The following PTPRD variants were observed in gnomAD, a reference collection of about 807,000 sequenced individuals.
PTPRD encodes protein tyrosine phosphatase receptor type D.
PTPRD carries 34 observed loss-of-function variants against 214.5 expected under a neutral mutation model. The observed-to-expected ratio is 0.16, with a 90% CI of 0.12 to 0.21. PTPRD has a LOEUF of 0.21. Among genes scored for constraint, PTPRD ranks in the 10% least tolerant of loss-of-function variants. The probability of loss-of-function intolerance (pLI) is 1.00; values close to 1 mark genes in which losing one functional copy is unlikely to be tolerated. For missense variants in PTPRD, 2,545 were observed against 2,398.7 expected (o/e 1.06, Z -1.27); for synonymous variants, 1,128 against 845.7 (o/e 1.33, Z -5.79).
intron 5 of PTPRD, among the ~76,000 whole-genome samples, chr9:9,799,197 G>A (rs1386770175): frequency 1.3e-5 from 2 of 152,140 alleles, no homozygotes; most frequent in Non-Finnish European, 2.9e-5. Flanking sequence ...TTGTAGTCAG[G>A]TTGAAGAGCA....
At chr9:10,569,478 T>G (rs556285911) in intron 2 of PTPRD, among the ~76,000 whole-genome samples, 1 of 152,014 alleles carries the variant, frequency 6.6e-6, no homozygotes, top group East Asian at 1.9e-4. Context: ...TTACTAAAAT[T>G]CATCCTGTAT....
At chr9:8,536,381 T>G (rs924120196) in intron 14 of PTPRD, among the ~76,000 whole-genome samples, 73 of 151,904 alleles carry the variant, frequency 4.8e-4, no homozygotes, top group Admixed American at 2.5e-3. Context: ...GATCTACATT[T>G]TAAAAATCCA....
intron 8 of PTPRD, among the ~76,000 whole-genome samples, chr9:9,504,745 C>T (rs1332201): frequency 0.74 from 111,575 of 151,464 alleles, 42,230 homozygotes; most frequent in African/African-American, 0.91. Context: ...ATAATGTATA[C>T]AGAAAACCCT....
intron 7 of PTPRD, among the ~76,000 whole-genome samples, chr9:9,576,076 T>G (rs888605949): frequency 6.6e-6 from 1 of 152,194 alleles, no homozygotes; most frequent in Admixed American, 6.6e-5. Context: ...AAAGTTATAA[T>G]AGATTGAGTC....
At chr9:8,446,438 G>C (rs2095729155) in intron 34 of PTPRD, among the ~76,000 whole-genome samples, 1 of 152,166 alleles carries the variant, frequency 6.6e-6, no homozygotes, top group Non-Finnish European at 1.5e-5. Flanking sequence ...CCTTCTGAAA[G>C]GCCTACTGAA....
intron 5 of PTPRD, among the ~76,000 whole-genome samples, chr9:9,774,103 G>A (rs186128640): frequency 6.6e-6 from 1 of 152,274 alleles, no homozygotes; most frequent in East Asian, 1.9e-4. Flanking sequence ...TGCTCAAAAT[G>A]AGTTATACTG....
At chr9:10,256,395 CTT>C (rs35833315) in intron 3 of PTPRD, among the ~76,000 whole-genome samples, 2 of 144,642 alleles carry the variant, frequency 1.4e-5, no homozygotes, top group African/African-American at 5.1e-5. Context: ...TGAATTACAG[CTT>C]TTTTTTTTTT....
chr9:9,015,993 G>T (rs184741305), intron 11 of PTPRD, among the ~76,000 whole-genome samples: 1 of 152,054 alleles, frequency 6.6e-6, no homozygotes, highest in African/African-American at 2.4e-5. Context: ...GAAGAATTGG[G>T]CCTTAAAGCA....
At chr9:9,228,948 T>C (rs1033644089) in intron 9 of PTPRD, among the ~76,000 whole-genome samples, 1 of 152,138 alleles carries the variant, frequency 6.6e-6, no homozygotes, top group Non-Finnish European at 1.5e-5. Flanking sequence ...ACAAATGTTT[T>C]TACAGGGAGA....
chr9:8,984,990 G>T (rs940579197), intron 11 of PTPRD, among the ~76,000 whole-genome samples: 1 of 151,980 alleles, frequency 6.6e-6, no homozygotes, highest in Non-Finnish European at 1.5e-5. Context: ...TCAAGTTGGA[G>T]GAAAATTTAC....
intron 2 of PTPRD, among the ~76,000 whole-genome samples, chr9:10,450,655 T>C (rs1055983603): frequency 1.3e-5 from 2 of 152,000 alleles, no homozygotes; most frequent in African/African-American, 4.8e-5. Flanking sequence ...TTTTACTGTC[T>C]TGTTGTTTGG....
At chr9:10,066,168 A>G (rs529170330) in intron 3 of PTPRD, among the ~76,000 whole-genome samples, 2 of 151,908 alleles carry the variant, frequency 1.3e-5, no homozygotes, top group African/African-American at 2.4e-5. Flanking sequence ...TAAGGCAACA[A>G]TTTTGGCACA....
chr9:9,621,510 T>G (rs1011838835), intron 7 of PTPRD, among the ~76,000 whole-genome samples: 4 of 152,198 alleles, frequency 2.6e-5, no homozygotes, highest in Admixed American at 1.3e-4. Flanking sequence ...CAAAACAACT[T>G]TAAGCGATGA....
chr9:8,872,424 A>T (rs1277267884), intron 11 of PTPRD, among the ~76,000 whole-genome samples: 1 of 152,198 alleles, frequency 6.6e-6, no homozygotes, highest in African/African-American at 2.4e-5. Context: ...TTTTTTTGTT[A>T]ACAATGTTGT....
intron 4 of PTPRD, among the ~76,000 whole-genome samples, chr9:9,972,928 C>G (rs763995499): frequency 6.6e-6 from 1 of 152,122 alleles, no homozygotes; most frequent in East Asian, 1.9e-4. Context: ...TGCAGAGCCC[C>G]TTTTGCCTTT....
chr9:9,422,689 G>T (rs1382976796), intron 8 of PTPRD, among the ~76,000 whole-genome samples: 1 of 152,066 alleles, frequency 6.6e-6, no homozygotes, highest in Non-Finnish European at 1.5e-5. Flanking sequence ...AAATAGCTAG[G>T]GAGACAAAAA....
chr9:9,341,296 G>T (rs1308986246), intron 9 of PTPRD, among the ~76,000 whole-genome samples: 1 of 152,060 alleles, frequency 6.6e-6, no homozygotes, highest in Non-Finnish European at 1.5e-5. Flanking sequence ...TGAGATGAAT[G>T]TTACTTTAGG....
intron 2 of PTPRD, among the ~76,000 whole-genome samples, chr9:10,371,818 T>C (rs963033794): frequency 2.6e-5 from 4 of 152,118 alleles, no homozygotes; most frequent in Non-Finnish European, 5.9e-5. Context: ...TTTGGGAGCA[T>C]ATGGTGTATG....
chr9:9,811,557 A>T (rs2821482), intron 5 of PTPRD, among the ~76,000 whole-genome samples: 27,591 of 151,928 alleles, frequency 0.18, 3,002 homozygotes, highest in African/African-American at 0.3. Flanking sequence ...AATATAAAAA[A>T]TTAGCCAGGT....
Sources: gnomAD v4.1 joint callset for allele counts (sites outside exome capture counted in the v4.1 genomes callset) on GRCh38, gnomAD v4.1.1 for gene constraint, MANE v1.5 for transcripts, NCBI Gene and HGNC (gene_info 2026-07-23, HGNC 2026-07-21) for gene names.